Variants in CACNA2D4 observed in about 807,000 individuals in gnomAD.
The protein encoded by CACNA2D4 is voltage-dependent calcium channel subunit alpha-2/delta-4.
CACNA2D4 carries 157 observed loss-of-function variants against 163.8 expected under a neutral mutation model. The observed-to-expected ratio is 0.96, with a 90% CI of 0.84 to 1.09. The LOEUF (loss-of-function observed/expected upper bound fraction) is 1.09, where lower values mean the gene tolerates loss of function less well. Among genes scored for constraint, CACNA2D4 ranks in the 50% least tolerant of loss-of-function variants. The probability of loss-of-function intolerance (pLI) is 0.00; values close to 1 mark genes in which losing one functional copy is unlikely to be tolerated. For missense variants in CACNA2D4, 1,410 were observed against 1,479.9 expected (o/e 0.95, Z 0.78); for synonymous variants, 598 against 586.9 (o/e 1.02, Z -0.27).
chr12:1,914,292 T>A (rs1322490806), intron 2 of CACNA2D4, among the ~76,000 whole-genome samples: 1 of 152,190 alleles, frequency 6.6e-6, no homozygotes, highest in African/African-American at 2.4e-5. Flanking sequence ...GAGTTACAAA[T>A]ATTAGAGAAC....
chr12:1,828,478 G>C lies in CACNA2D4; in HGVS notation c.2551+12261C>G, dbSNP rs1864462629. The stretch of plus-strand genomic sequence containing the variant: ...ACGACAGTTGTTCTACCTCCCCCAG[G>C]TAAGTCTCTGTGAGCTTGCTGGGGT... On this transcript the variant is annotated intron_variant, in intron 26 of 37. Coordinates refer to ENST00000382722, the MANE Select transcript of CACNA2D4 (RefSeq NM_172364.5). This position sits in a 1 kb window ranked among gnomAD's most constrained non-coding sequence, Gnocchi z 4.2. Among the ~76,000 whole-genome samples the C allele has an allele frequency of 6.6e-6, 1 of 152,240 alleles. No homozygotes were observed. Among genetic ancestry groups the C allele is most frequent in the Non-Finnish European group, 1.5e-5 (1 of 68,044 alleles).
chr12:1,903,501 G>C (rs1866585007), intron 6 of CACNA2D4, among the ~76,000 whole-genome samples: 1 of 151,556 alleles, frequency 6.6e-6, no homozygotes. Flanking sequence ...GAATACATAA[G>C]AAGCTCAAAT....
rs771922464 is a variant in CACNA2D4 at position 1,886,222 on chromosome 12, C to A, written c.993+1G>T. On this transcript the variant is annotated splice_donor_variant, in intron 8 of 37. Transcript: ENST00000382722. LOFTEE classifies it high-confidence loss of function. Reference sequence around the variant, plus strand: ...ATTCTAGAACAGGAAGGCACATTTACCGCTATGATATTAATGAAGTCATTC... The same window carrying A: ...ATTCTAGAACAGGAAGGCACATTTAACGCTATGATATTAATGAAGTCATTC... 6.2e-7 allele frequency: 1 copy of A among 1,612,472 alleles called. No individual in the cohort carries two copies. The highest frequency in any genetic ancestry group is 1.1e-5 in the South Asian group (1 of 91,048).
chr12:1,901,219 T>G (rs188207214), intron 6 of CACNA2D4, among the ~76,000 whole-genome samples: 33 of 152,318 alleles, frequency 2.2e-4, no homozygotes, highest in African/African-American at 7.7e-4. Context: ...GATGGAAGTT[T>G]GTAGCTTTAC....
chr12:1,907,338 C>G (rs1266568672), intron 6 of CACNA2D4, 102 bp downstream of exon 6: 5 of 1,119,904 alleles, frequency 4.5e-6, no homozygotes, highest in Non-Finnish European at 1.3e-6. Context: ...AGGACCAGCC[C>G]CATTCACTGG....
chr12:1,814,968 C>A (rs937639555), intron 26 of CACNA2D4, among the ~76,000 whole-genome samples: 15 of 152,248 alleles, frequency 9.9e-5, no homozygotes. Flanking sequence ...CAGCTCATTG[C>A]AACCTCCACC....
intron 26 of CACNA2D4, chr12:1,831,660 C>T (rs1471748579): frequency 2.8e-6 from 2 of 719,770 alleles, no homozygotes; most frequent in Non-Finnish European, 4.5e-6. Flanking sequence ...GCCTCTGTGC[C>T]AGCTCGGCTA....
At chr12:1,915,094 A>T (rs758057653) in intron 1 of CACNA2D4, 159 bp from the exon 2 acceptor site, 9 of 712,786 alleles carry the variant, frequency 1.3e-5, no homozygotes, top group Non-Finnish European at 2.1e-5. Flanking sequence ...CATAATGCAT[A>T]AGAAATGCAC....
Position 1,827,274 on chromosome 12 carries a change from CT to C in CACNA2D4, c.2551+13464del, listed in dbSNP as rs1389736155. 3.4e-5 allele frequency: 4 copies of C among 116,102 alleles called. No individual in the cohort carries two copies. The East Asian group carries it at 1.4e-3, about 42-fold the overall frequency. The allele number at this position is 116,102 out of a possible 1,614,324, so 7.2% of individuals were successfully genotyped here. A position where few individuals can be genotyped will look rare whatever the true frequency, so the allele number is the denominator to read the frequency against. ...CAGCCTGTGTCCCAGTTGGGAGACACTGGGGGGGGCAGACCCTAGAAAGGGT... is the reference window on the plus strand; with the variant it reads ...CAGCCTGTGTCCCAGTTGGGAGACACGGGGGGGGCAGACCCTAGAAAGGGT... On this transcript the variant is annotated intron_variant, in intron 26 of 37. Transcript: ENST00000382722.
At chr12:1,904,322 A>G (rs904683073) in intron 6 of CACNA2D4, among the ~76,000 whole-genome samples, 2 of 152,076 alleles carry the variant, frequency 1.3e-5, no homozygotes, top group Non-Finnish European at 2.9e-5. Flanking sequence ...CAGGGTAACT[A>G]TAGTTAGTAA....
intron 23 of CACNA2D4, 121 bp downstream of exon 23, chr12:1,853,830 T>C (rs1399576746): frequency 1.4e-6 from 1 of 716,940 alleles, no homozygotes; most frequent in African/African-American, 1.8e-5. Flanking sequence ...CCACTTAATC[T>C]TAGGCCAAAG....
intron 3 of CACNA2D4, among the ~76,000 whole-genome samples, chr12:1,911,608 C>T (rs975275254): frequency 6.6e-6 from 1 of 152,166 alleles, no homozygotes; most frequent in Non-Finnish European, 1.5e-5. Context: ...CATGGAAGGT[C>T]TGAGGCCCCC....
chr12:1,904,450 G>A (rs567568590), intron 6 of CACNA2D4, among the ~76,000 whole-genome samples: 46 of 152,004 alleles, frequency 3.0e-4, no homozygotes, highest in African/African-American at 1.1e-3. Flanking sequence ...ATTACACATT[G>A]TATGCCTATA....
Position 1,799,915 on chromosome 12 carries a change from C to G in CACNA2D4, c.2974+85G>C. Reference sequence around the variant, plus strand: ...TCAGGGTCACCTATCCCCACTGTCACCCACCCCACAGGGAATGGTCTCACG... The same window carrying G: ...TCAGGGTCACCTATCCCCACTGTCAGCCACCCCACAGGGAATGGTCTCACG... On this transcript the variant is annotated intron_variant, in intron 33 of 37. Transcript: ENST00000382722. This position sits in a 1 kb window ranked among gnomAD's most constrained non-coding sequence, Gnocchi z 4.7. The G allele has an allele frequency of 6.9e-7, 1 of 1,448,324 alleles. No individual in the cohort carries two copies. The highest frequency in any genetic ancestry group is 1.2e-5 in the South Asian group (1 of 81,256). 89.7% of individuals were successfully genotyped at this position (1,448,324 alleles called of 1,614,324 possible).
chr12:1,793,429 G>A lies in CACNA2D4; in HGVS notation c.*226C>T, dbSNP rs1216335251. 5.0e-6 allele frequency: 3 copies of A among 602,846 alleles called. No individual in the cohort carries two copies. In the African/African-American group the frequency reaches 5.5e-5, roughly 11 times the overall value. The allele number at this position is 602,846 out of a possible 1,614,324, so 37.3% of individuals were successfully genotyped here. A position where few individuals can be genotyped will look rare whatever the true frequency, so the allele number is the denominator to read the frequency against. On this transcript the variant is annotated 3_prime_UTR_variant, in exon 38 of 38. Coordinates refer to ENST00000382722, the MANE Select transcript of CACNA2D4 (RefSeq NM_172364.5). Reference sequence around the variant, plus strand: ...AAGTATGCTCATGTTGAGACCTAGGGCAGATGGTACCGGGCACCATGAAGC... The same window carrying A: ...AAGTATGCTCATGTTGAGACCTAGGACAGATGGTACCGGGCACCATGAAGC...
intron 26 of CACNA2D4, among the ~76,000 whole-genome samples, chr12:1,819,365 G>A (rs1202380270): frequency 2.0e-5 from 3 of 152,112 alleles, no homozygotes; most frequent in African/African-American, 2.4e-5. Flanking sequence ...TGTGCTGCCC[G>A]GGGACCCGGC....
In CACNA2D4 at chr12:1,800,378, C is replaced by G. The variant is rs1863272031; in HGVS notation, c.2921+8G>C. The G allele has an allele frequency of 6.2e-7, 1 of 1,613,752 alleles. No homozygotes were observed. Among genetic ancestry groups the G allele is most frequent in the Admixed American group, 1.7e-5 (1 of 60,008 alleles). ...CCCTCCACCAGCCCCGTGTCTACCCCCACTCACAGCACCAGCTCCTGCAGC... is the reference window on the plus strand; with the variant it reads ...CCCTCCACCAGCCCCGTGTCTACCCGCACTCACAGCACCAGCTCCTGCAGC... On this transcript the variant is annotated splice_region_variant and intron_variant, in intron 32 of 37. Transcript: ENST00000382722.
intron 3 of CACNA2D4, 149 bp from the exon 4 acceptor site, chr12:1,910,114 A>G: frequency 4.2e-6 from 3 of 709,984 alleles, no homozygotes; most frequent in Non-Finnish European, 7.7e-6. Context: ...ACAAGAACTT[A>G]GGAACGAATA....
At chr12:1,811,795 G>T in intron 26 of CACNA2D4, 72 bp from the exon 27 acceptor site, 1 of 1,434,622 alleles carries the variant, frequency 7.0e-7, no homozygotes, top group South Asian at 1.2e-5. Context: ...TCAAGTTAAA[G>T]AGAGGAGGTG....
Sources: allele counts gnomAD v4.1 joint callset (sites outside exome capture counted in the v4.1 genomes callset), GRCh38; gene constraint gnomAD v4.1.1; non-coding constraint Gnocchi (gnomAD v3.1); transcripts MANE v1.5; gene names NCBI Gene and HGNC (gene_info 2026-07-23, HGNC 2026-07-21).